DDX6: variants seen among roughly 807,000 people sequenced by gnomAD.
DDX6 encodes the protein DEAD-box helicase 6, also known as probable ATP-dependent RNA helicase DDX6.
In DDX6, 7 loss-of-function variants were observed where a neutral mutation model predicts 60.6. That is an observed-to-expected ratio of 0.12 (90% CI 0.07 to 0.22). DDX6 has a LOEUF of 0.22. Among genes scored for constraint, DDX6 ranks in the 10% least tolerant of loss-of-function variants. DDX6 has a pLI of 1.00. For synonymous variants in DDX6, 207 were observed against 201.0 expected, an observed-to-expected ratio of 1.03 and a Z score of -0.25; for missense variants, 270 against 589.9, an observed-to-expected ratio of 0.46 and a Z score of 5.62.
Position 118,750,173 on chromosome 11 carries a change from TTTTTAA to T in DDX6, c.*1926_*1931del, listed in dbSNP as rs1860709623. The T allele has an allele frequency of 1.3e-5, 2 of 152,658 alleles. No homozygotes were observed. The highest frequency in any genetic ancestry group is 6.5e-5 in the Admixed American group (1 of 15,278). 9.5% of individuals were successfully genotyped at this position (152,658 alleles called of 1,614,324 possible). ...AAAAATAAAATATGGAAATCAATTT[TTTTTAA>T]TTTTGTTTTTTGCTTTTTTCCCCCC... On this transcript the variant is annotated 3_prime_UTR_variant, in exon 14 of 14. Transcript: ENST00000534980.
chr11:118,760,283 G>A (rs1298198690), intron 7 of DDX6, among the ~76,000 whole-genome samples: 5 of 151,934 alleles, frequency 3.3e-5, no homozygotes, highest in East Asian at 1.9e-4. Context: ...AACCTCCCCC[G>A]CTTTCTGTAA....
Position 118,755,475 on chromosome 11 carries a change from T to A in DDX6, c.1203A>T (p.Gln401His). The A allele has an allele frequency of 6.2e-7, 1 of 1,606,006 alleles. No individual in the cohort carries two copies. Among genetic ancestry groups the A allele is most frequent in the Non-Finnish European group, 8.5e-7 (1 of 1,173,348 alleles). ...CAAAGTTTATTACCACATTCACAGC[T>A]TGTATATCAATACCTCGGGTAAACA... ...TDLFTRGIDIQAVNVVINFDF... is the reference protein window; with the variant it reads ...TDLFTRGIDIHAVNVVINFDF... The change falls in exon 12 of 14, where the codon CAA becomes CAT. Residue 401 changes from glutamine to histidine, a missense_variant. Physicochemically the swap from Gln to His is conservative, Grantham distance 24 (BLOSUM62 0). Transcript: ENST00000534980.
intron 3 of DDX6, among the ~76,000 whole-genome samples, chr11:118,780,501 G>A (rs971176349): frequency 5.9e-5 from 9 of 152,126 alleles, no homozygotes; most frequent in African/African-American, 1.7e-4. Flanking sequence ...ATTTTTAGTA[G>A]AGACAGGGTT....
rs79597829 is a variant in DDX6 at position 118,778,074 on chromosome 11, T to C, written c.369+1558A>G. Among the ~76,000 whole-genome samples, 1,144 of 151,722 alleles carry C rather than the reference T, an allele frequency of 7.5e-3. 71 individuals are homozygous for C. In the East Asian group the frequency reaches 0.14, roughly 18 times the overall value. The stretch of plus-strand genomic sequence containing the variant: ...AATGGTGAGTATAAGTCCATACTGA[T>C]AACAGATATATATGGATGAGGGGAA... On this transcript the variant is annotated intron_variant, in intron 4 of 13. Transcript: ENST00000534980.
chr11:118,763,512 T>C (rs1281888513), intron 6 of DDX6, among the ~76,000 whole-genome samples: 3 of 306 alleles, frequency 9.8e-3, no homozygotes, highest in Non-Finnish European at 0.016. Flanking sequence ...GACCACAACA[T>C]TGTATGCAGC....
intron 11 of DDX6, among the ~76,000 whole-genome samples, chr11:118,756,026 C>G (rs1332509635): frequency 3.1e-4 from 41 of 134,152 alleles, no homozygotes; most frequent in South Asian, 1.4e-3. Flanking sequence ...TCCCCCCCCC[C>G]CCCAAAAAAA....
At chr11:118,769,646 T>C (rs1861468318) in intron 4 of DDX6, among the ~76,000 whole-genome samples, 1 of 146,982 alleles carries the variant, frequency 6.8e-6, no homozygotes, top group Admixed American at 7.0e-5. Context: ...CAACAAACTA[T>C]AAAATACAAT....
Position 118,786,482 on chromosome 11 carries a change from A to T in DDX6, c.-231T>A. The T allele has an allele frequency of 2.9e-6, 1 of 350,262 alleles. No individual in the cohort carries two copies. Among genetic ancestry groups the T allele is most frequent in the South Asian group, 1.2e-4 (1 of 8,264 alleles). The allele number at this position is 350,262 out of a possible 1,614,324, so 21.7% of individuals were successfully genotyped here. A position where few individuals can be genotyped will look rare whatever the true frequency, so the allele number is the denominator to read the frequency against. ...CTTTTTATTTTTAAAAAGCCCTCTA[A>T]CAAGCTTGAGTTATATCTGAATTCA... On this transcript the variant is annotated 5_prime_UTR_variant, in exon 2 of 14. Transcript: ENST00000534980.
intron 8 of DDX6, 138 bp from the exon 9 acceptor site, chr11:118,759,040 T>C (rs1444559518): frequency 2.6e-6 from 3 of 1,154,080 alleles, no homozygotes; most frequent in Non-Finnish European, 3.6e-6. Context: ...AAACAAAATA[T>C]ATGATCTGTC....
Position 118,763,291 on chromosome 11 carries a change from G to C in DDX6, c.662C>G (p.Ala221Gly). The C allele has an allele frequency of 6.2e-7, 1 of 1,612,546 alleles. No individual in the cohort carries two copies. Among genetic ancestry groups the C allele is most frequent in the Non-Finnish European group, 8.5e-7 (1 of 1,179,284 alleles). Residue 221 changes from alanine to glycine, a missense_variant, in exon 7 of 14, where the codon GCT becomes GGT. Physicochemically the swap from Ala to Gly is moderately conservative, Grantham distance 60. This residue lies in a region of DDX6 where 17 missense variants were observed against 81.7 expected (regional missense o/e 0.21). Coordinates refer to ENST00000534980, the MANE Select transcript of DDX6 (RefSeq NM_004397.6). ...AAGATCCAGGATTCTCCCAGGGGTA[G>C]CAATCACCACGTGCACTATGCAAGA... ...RLDDTVHVVI[A>G]TPGRILDLIK...
intron 6 of DDX6, among the ~76,000 whole-genome samples, chr11:118,764,432 AT>A (rs55697833): frequency 1 from 152,222 of 152,222 alleles, 76,111 homozygotes; most frequent in Non-Finnish European, 1. Context: ...CGGCACGACA[AT>A]ACCACCCCAT....
intron 3 of DDX6, among the ~76,000 whole-genome samples, 159 bp downstream of exon 3, chr11:118,780,961 TG>T (rs1565577415): frequency 6.6e-6 from 1 of 152,162 alleles, no homozygotes; most frequent in East Asian, 1.9e-4. Context: ...ATCCACAAAA[TG>T]GGAATATATA....
chr11:118,767,699 C>G (rs1861403990), intron 5 of DDX6: 1 of 124,458 alleles, frequency 8.0e-6, no homozygotes, highest in South Asian at 2.6e-4. Flanking sequence ...GTGGCACAAT[C>G]TTGGCTCACT....
chr11:118,781,027 T>C (rs536012073), intron 3 of DDX6, 94 bp downstream of exon 3: 46 of 795,164 alleles, frequency 5.8e-5, no homozygotes, highest in Middle Eastern at 2.2e-4. Flanking sequence ...GGTGTTATGG[T>C]CCTGAAACCA....
At chr11:118,772,254 T>A (rs1861560335) in intron 4 of DDX6, among the ~76,000 whole-genome samples, 1 of 152,112 alleles carries the variant, frequency 6.6e-6, no homozygotes, top group African/African-American at 2.4e-5. Flanking sequence ...CAACCCCAAA[T>A]GTCTACCAAC....
intron 13 of DDX6, among the ~76,000 whole-genome samples, chr11:118,753,163 G>C (rs1565558224): frequency 6.6e-6 from 1 of 151,852 alleles, no homozygotes; most frequent in African/African-American, 2.4e-5. Context: ...TGACTAGCTG[G>C]GATTACAGGC....
chr11:118,781,654 G>A (rs1370587547), intron 2 of DDX6, among the ~76,000 whole-genome samples: 9 of 152,184 alleles, frequency 5.9e-5, no homozygotes, highest in African/African-American at 1.2e-4. Context: ...CAGGCCAGGC[G>A]TGGTGGCTCC....
intron 4 of DDX6, among the ~76,000 whole-genome samples, chr11:118,770,076 G>A (rs1861487074): frequency 6.6e-6 from 1 of 151,596 alleles, no homozygotes; most frequent in Non-Finnish European, 1.5e-5. Flanking sequence ...ACTCAGGCTG[G>A]AGTACAATGG....
chr11:118,767,095 G>A lies in DDX6; in HGVS notation c.499+1128C>T, dbSNP rs550216772. ...AGAGACAGGGTTTTACCATGTTAGCGAGGCTGGTCTTGAACTCCTGACCTC... is the reference window on the plus strand; with the variant it reads ...AGAGACAGGGTTTTACCATGTTAGCAAGGCTGGTCTTGAACTCCTGACCTC... On this transcript the variant is annotated intron_variant, in intron 5 of 13. Coordinates refer to ENST00000534980, the MANE Select transcript of DDX6 (RefSeq NM_004397.6). Among the ~76,000 whole-genome samples, 79 of 151,664 alleles carry A rather than the reference G, an allele frequency of 5.2e-4. No homozygotes were observed. In the South Asian group the frequency reaches 9.6e-3, roughly 18 times the overall value.
Sources: gnomAD v4.1 joint callset for allele counts (sites outside exome capture counted in the v4.1 genomes callset) on GRCh38, gnomAD v4.1.1 for gene constraint, gnomAD v4.1.1 regional missense constraint, MANE v1.5 for transcripts, NCBI Gene and HGNC (gene_info 2026-07-23, HGNC 2026-07-21) for gene names.